Variants in PTCHD4 observed in about 807,000 individuals in gnomAD.
PTCHD4 encodes patched domain containing 4, also known as patched domain-containing protein 4.
In PTCHD4, 33 loss-of-function variants were observed where a neutral mutation model predicts 58.1. The ratio of observed to expected loss-of-function variants is 0.57; its 90% CI spans 0.43 to 0.76. The LOEUF is 0.76. PTCHD4 is among the 30% of genes least tolerant of loss of function. PTCHD4 has a pLI of 0.00. For missense variants in PTCHD4, 1,058 were observed against 1,027.1 expected (o/e 1.03, Z -0.41); for synonymous variants, 478 against 409.6 (o/e 1.17, Z -2.02).
intron 4 of PTCHD4, among the ~76,000 whole-genome samples, chr6:47,944,176 G>T (rs1766335264): frequency 6.6e-6 from 1 of 152,162 alleles, no homozygotes; most frequent in Non-Finnish European, 1.5e-5. Flanking sequence ...TAGTGCTGCA[G>T]CTGGAGCAAA....
chr6:47,984,947 C>G (rs906696303), intron 4 of PTCHD4, among the ~76,000 whole-genome samples: 24 of 151,992 alleles, frequency 1.6e-4, no homozygotes, highest in Admixed American at 3.9e-4. Context: ...TAAGATTTTT[C>G]TGTGTGACTT....
intron 3 of PTCHD4, among the ~76,000 whole-genome samples, chr6:48,067,676 GTAATAAGAAA>G (rs1305380029): frequency 6.6e-6 from 1 of 152,104 alleles, no homozygotes; most frequent in East Asian, 1.9e-4. Context: ...TGTGTAATCA[GTAATAAGAAA>G]TACATTGAGC....
intron 1 of PTCHD4, among the ~76,000 whole-genome samples, chr6:48,080,531 C>T (rs1765145656): frequency 6.6e-6 from 1 of 152,128 alleles, no homozygotes; most frequent in African/African-American, 2.4e-5. Flanking sequence ...TGCCTACTTC[C>T]TACATAGACT....
At chr6:48,003,817 G>A (rs189549215) in intron 4 of PTCHD4, among the ~76,000 whole-genome samples, 2 of 152,086 alleles carry the variant, frequency 1.3e-5, no homozygotes, top group East Asian at 1.9e-4. Flanking sequence ...AGACATATTC[G>A]CTTTCTTGCT....
At chr6:47,931,413 T>C (rs1029051644) in intron 4 of PTCHD4, among the ~76,000 whole-genome samples, 1 of 152,214 alleles carries the variant, frequency 6.6e-6, no homozygotes, top group Non-Finnish European at 1.5e-5. Context: ...TAATTCTAGA[T>C]GGATGAACAC....
chr6:48,044,887 G>A (rs983037241), intron 3 of PTCHD4, among the ~76,000 whole-genome samples: 2 of 151,780 alleles, frequency 1.3e-5, no homozygotes, highest in East Asian at 3.9e-4. Context: ...AGCACCATAA[G>A]ATTTAGAGGC....
At position 47,865,965 on chromosome 6, in the gene PTCHD4, G is replaced by A. The variant is rs907419243; in HGVS notation, c.*12338C>T. On this transcript the variant is annotated 3_prime_UTR_variant, in exon 5 of 5. Coordinates refer to ENST00000339488, the MANE Select transcript of PTCHD4 (RefSeq NM_001384253.1). ...ACCCAGGAACATATTCTGTGCTTTT[G>A]TTGCATGTTATGGCTTTGCTCAGTC... is the stretch of plus-strand genomic sequence containing the variant. 6.6e-6 allele frequency among the ~76,000 whole-genome samples: 1 copy of A among 151,778 alleles called. No homozygotes were observed.
chr6:47,881,339 A>G (rs1406447833), intron 4 of PTCHD4, among the ~76,000 whole-genome samples: 1 of 152,300 alleles, frequency 6.6e-6, no homozygotes, highest in African/African-American at 2.4e-5. Context: ...TACAATGTAC[A>G]TACTTGAAAA....
At chr6:48,079,346 T>C (rs1290616078) in intron 1 of PTCHD4, among the ~76,000 whole-genome samples, 1 of 152,122 alleles carries the variant, frequency 6.6e-6, no homozygotes, top group Non-Finnish European at 1.5e-5. Flanking sequence ...TAAAGAATTT[T>C]ATGAAGCCTT....
chr6:47,928,798 G>A (rs564384930), intron 4 of PTCHD4, among the ~76,000 whole-genome samples: 2 of 152,246 alleles, frequency 1.3e-5, no homozygotes, highest in African/African-American at 4.8e-5. Context: ...TCCTGAGTTA[G>A]TACTTGGTGT....
chr6:47,883,908 C>T (rs1341685984), intron 4 of PTCHD4, among the ~76,000 whole-genome samples: 1 of 152,208 alleles, frequency 6.6e-6, no homozygotes, highest in Non-Finnish European at 1.5e-5. Flanking sequence ...CTCATACACA[C>T]ACATACTTAA....
intron 3 of PTCHD4, among the ~76,000 whole-genome samples, chr6:48,064,279 A>T (rs1764723066): frequency 6.6e-6 from 1 of 152,160 alleles, no homozygotes. Flanking sequence ...GGGACATATG[A>T]GAATTGTTGC....
At position 48,053,251 on chromosome 6, in the gene PTCHD4, G is replaced by A. The variant is rs373340024; in HGVS notation, c.417+14979C>T. Among the ~76,000 whole-genome samples, 224 of 152,202 alleles carry A rather than the reference G, an allele frequency of 1.5e-3. 4 individuals carry two copies. In the South Asian group the frequency reaches 0.045, roughly 30 times the overall value. ...AGAATGTCAAGTAAGTCTTGTTTAA[G>A]CTAAGACTGATTAAAATTCTTTAAT... On this transcript the variant is annotated intron_variant, in intron 3 of 4. Transcript: ENST00000339488.
At chr6:47,900,220 A>G (rs1266227798) in intron 4 of PTCHD4, 1 of 152,240 alleles carries the variant, frequency 6.6e-6, no homozygotes, top group Non-Finnish European at 1.5e-5. Context: ...ATTTTCCAAA[A>G]GAGCTGCATC....
In PTCHD4 at chr6:47,870,545, T is replaced by C. The variant is rs894081991; in HGVS notation, c.*7758A>G. On this transcript the variant is annotated 3_prime_UTR_variant, in exon 5 of 5. Coordinates refer to ENST00000339488, the MANE Select transcript of PTCHD4 (RefSeq NM_001384253.1). ...TTCACTGATCAACATAGAGGTAAAT[T>C]TTGATAATGGACCAAATTCAGGTGA... is the stretch of plus-strand genomic sequence containing the variant. Among the ~76,000 whole-genome samples, 1 of 151,656 alleles carries C rather than the reference T, an allele frequency of 6.6e-6. No homozygotes were observed. Among genetic ancestry groups the C allele is most frequent in the African/African-American group, 2.4e-5 (1 of 41,360 alleles).
Position 47,878,587 on chromosome 6 carries a change from G to A in PTCHD4, c.2248C>T (p.Gln750Ter). 6.2e-7 allele frequency: 1 copy of A among 1,613,598 alleles called. No individual in the cohort carries two copies. Among genetic ancestry groups the A allele is most frequent in the Non-Finnish European group, 8.5e-7 (1 of 1,179,734 alleles). ...TRTQCIKSSL[Q>*]DHGTAILQNV... ...TGCAAAATGGCTGTCCCATGGTCTT[G>A]CAAGGAGCTTTTTATACATTGTGTT... The change falls in exon 5 of 5, where the codon CAA becomes TAA. Residue 750 changes from glutamine to a stop codon, truncating the protein, a stop_gained. Transcript: ENST00000339488. LOFTEE classifies it high-confidence loss of function.
chr6:48,049,118 G>A (rs1295152728), intron 3 of PTCHD4, among the ~76,000 whole-genome samples: 1 of 151,946 alleles, frequency 6.6e-6, no homozygotes, highest in African/African-American at 2.4e-5. Context: ...TCAACAGGAG[G>A]CAATTTTGTG....
intron 4 of PTCHD4, among the ~76,000 whole-genome samples, chr6:47,965,061 T>A (rs1015024744): frequency 1.3e-5 from 2 of 152,214 alleles, no homozygotes; most frequent in Non-Finnish European, 2.9e-5. Context: ...ACCTGGCCTT[T>A]ATTCAGGTTT....
chr6:48,017,018 A>T (rs1197561780), intron 3 of PTCHD4, among the ~76,000 whole-genome samples: 2 of 152,224 alleles, frequency 1.3e-5, no homozygotes, highest in Admixed American at 6.5e-5. Flanking sequence ...AAGATATTGG[A>T]AAGTTTTAGA....
Sources: allele counts gnomAD v4.1 joint callset (sites outside exome capture counted in the v4.1 genomes callset), GRCh38; gene constraint gnomAD v4.1.1; transcripts MANE v1.5; gene names NCBI Gene and HGNC (gene_info 2026-07-23, HGNC 2026-07-21).